Variants in MCTP1 observed in about 807,000 individuals in gnomAD.
The protein encoded by MCTP1 is multiple C2 and transmembrane domain-containing protein 1.
A neutral mutation model predicts 120.6 loss-of-function variants in MCTP1; 69 were observed. The ratio of observed to expected loss-of-function variants is 0.57; its 90% CI spans 0.47 to 0.70. The LOEUF is 0.70. MCTP1 is among the 30% of genes least tolerant of loss of function. The pLI, the probability that MCTP1 is intolerant of heterozygous loss-of-function variation, is 0.00. For missense variants in MCTP1, 1,203 were observed against 1,248.8 expected (o/e 0.96, Z 0.55); for synonymous variants, 529 against 493.1 (o/e 1.07, Z -0.96).
At chr5:95,009,389 T>C (rs1405600361) in intron 2 of MCTP1, among the ~76,000 whole-genome samples, 1 of 152,090 alleles carries the variant, frequency 6.6e-6, no homozygotes, top group African/African-American at 2.4e-5. Flanking sequence ...AATATAGATG[T>C]CTCTGCCAAA....
intron 1 of MCTP1, among the ~76,000 whole-genome samples, chr5:95,254,836 T>C (rs1757719089): frequency 6.6e-6 from 1 of 152,206 alleles, no homozygotes. Flanking sequence ...AATTAGATTC[T>C]GGAAGCATTG....
At chr5:94,748,054 C>T (rs1317614606) in intron 19 of MCTP1, among the ~76,000 whole-genome samples, 1 of 152,208 alleles carries the variant, frequency 6.6e-6, no homozygotes, top group Non-Finnish European at 1.5e-5. Flanking sequence ...TGTGCCATTG[C>T]ACTCCAGACT....
intron 2 of MCTP1, among the ~76,000 whole-genome samples, chr5:95,015,897 A>G (rs553591587): frequency 3.3e-5 from 5 of 152,228 alleles, no homozygotes; most frequent in African/African-American, 1.2e-4. Context: ...TAAAATTTTG[A>G]TCTTCTGTTG....
chr5:94,710,944 C>G lies in MCTP1; in HGVS notation c.2721-17G>C, dbSNP rs1379187960. 3 of 1,528,530 alleles carry G rather than the reference C, an allele frequency of 2.0e-6. No individual in the cohort carries two copies. The highest frequency in any genetic ancestry group is 1.8e-6 in the Non-Finnish European group (2 of 1,103,942). 94.7% of individuals were successfully genotyped at this position (1,528,530 alleles called of 1,614,324 possible). A position where few individuals can be genotyped will look rare whatever the true frequency, so the allele number is the denominator to read the frequency against. ...TTGAAAGTACTGAATGGAAAATTAA[C>G]ACATCAGCAATCTGAGTACTTCATA... On this transcript the variant is annotated splice_polypyrimidine_tract_variant and intron_variant, in intron 20 of 22. Coordinates refer to ENST00000515393, the MANE Select transcript of MCTP1 (RefSeq NM_024717.7).
intron 2 of MCTP1, among the ~76,000 whole-genome samples, chr5:94,986,622 G>C (rs930504125): frequency 6.6e-6 from 1 of 152,072 alleles, no homozygotes; most frequent in Non-Finnish European, 1.5e-5. Context: ...TGATTCTACT[G>C]CCTCAGCCAC....
At chr5:95,062,428 T>A (rs1332012719) in intron 1 of MCTP1, among the ~76,000 whole-genome samples, 1 of 152,184 alleles carries the variant, frequency 6.6e-6, no homozygotes, top group Non-Finnish European at 1.5e-5. Context: ...TTTTTTTTGG[T>A]TCAAGCAGCA....
chr5:95,213,632 A>T (rs1752671354), intron 1 of MCTP1, among the ~76,000 whole-genome samples: 1 of 151,850 alleles, frequency 6.6e-6, no homozygotes, highest in Non-Finnish European at 1.5e-5. Flanking sequence ...GGCTACAGTA[A>T]CCAAAACAGC....
intron 1 of MCTP1, among the ~76,000 whole-genome samples, chr5:95,262,344 A>G (rs1229776384): frequency 6.6e-6 from 1 of 152,186 alleles, no homozygotes; most frequent in Non-Finnish European, 1.5e-5. Flanking sequence ...AGCACCTTCT[A>G]CCCATGGCTC....
rs1229137926 is a variant in MCTP1, at chr5:94,707,057, A to G, written c.*439T>C. 2 of 152,646 alleles carry G rather than the reference A, an allele frequency of 1.3e-5. No individual in the cohort carries two copies. The highest frequency in any genetic ancestry group is 2.9e-5 in the Non-Finnish European group (2 of 68,486). The allele number at this position is 152,646 out of a possible 1,614,324, so 9.5% of individuals were successfully genotyped here. ...AATTTCCCTCCCTTTTGAAATGTAT[A>G]AAACATAGAAAAGTGTAATGGATTA... On this transcript the variant is annotated 3_prime_UTR_variant, in exon 23 of 23. Coordinates refer to ENST00000515393, the MANE Select transcript of MCTP1 (RefSeq NM_024717.7).
intron 19 of MCTP1, among the ~76,000 whole-genome samples, chr5:94,769,375 T>G (rs949241097): frequency 6.6e-6 from 1 of 152,172 alleles, no homozygotes; most frequent in Non-Finnish European, 1.5e-5. Flanking sequence ...TTTGAAATAT[T>G]CAACACTCAA....
At chr5:95,121,522 T>C (rs1296626847) in intron 1 of MCTP1, among the ~76,000 whole-genome samples, 4 of 151,714 alleles carry the variant, frequency 2.6e-5, no homozygotes, top group African/African-American at 4.8e-5. Flanking sequence ...GAGAAAGATA[T>C]CCCATGTTCA....
At chr5:95,171,517 G>T (rs1747287271) in intron 1 of MCTP1, among the ~76,000 whole-genome samples, 1 of 152,174 alleles carries the variant, frequency 6.6e-6, no homozygotes, top group Non-Finnish European at 1.5e-5. Context: ...TTCCAACTTG[G>T]TTCCATTCTC....
At chr5:94,932,366 C>T (rs1814975709) in intron 5 of MCTP1, among the ~76,000 whole-genome samples, 1 of 151,764 alleles carries the variant, frequency 6.6e-6, no homozygotes, top group African/African-American at 2.4e-5. Flanking sequence ...TAATTTTTCT[C>T]TTCAAACACA....
chr5:95,281,811 G>C (rs1262588045), intron 1 of MCTP1, among the ~76,000 whole-genome samples: 1 of 152,166 alleles, frequency 6.6e-6, no homozygotes, highest in Non-Finnish European at 1.5e-5. Flanking sequence ...TCATAGAATT[G>C]ATTGTATATA....
intron 1 of MCTP1, among the ~76,000 whole-genome samples, chr5:95,140,693 T>TAAAAAAAAA (rs35248317): frequency 1.8e-4 from 5 of 27,632 alleles, no homozygotes; most frequent in African/African-American, 3.1e-4. Context: ...CTGTCCCTAC[T>TAAAAAAAAA]AAAAAAAAAA....
chr5:94,936,131 AT>A (rs1206277898), intron 5 of MCTP1, among the ~76,000 whole-genome samples: 1 of 152,026 alleles, frequency 6.6e-6, no homozygotes, highest in African/African-American at 2.4e-5. Context: ...CAAGCAGATT[AT>A]CATTAATATA....
chr5:95,018,159 TTAA>T (rs1348546707), intron 1 of MCTP1, among the ~76,000 whole-genome samples: 2 of 152,120 alleles, frequency 1.3e-5, no homozygotes, highest in African/African-American at 2.4e-5. Flanking sequence ...CAATATACTC[TTAA>T]TAATTTACTA....
intron 17 of MCTP1, among the ~76,000 whole-genome samples, chr5:94,834,008 A>G (rs185266001): frequency 6.6e-6 from 1 of 152,318 alleles, no homozygotes; most frequent in Admixed American, 6.5e-5. Context: ...ATGCTCATGT[A>G]CCAGCTGGAT....
In MCTP1 at chr5:94,732,067, G is replaced by A. The variant is rs1240645473; in HGVS notation, c.2611-17181C>T. On this transcript the variant is annotated intron_variant, in intron 19 of 22. Coordinates refer to ENST00000515393, the MANE Select transcript of MCTP1 (RefSeq NM_024717.7). ...TGTCCTGTGAGTTTCATCACTTAGG[G>A]GAAAAGTTAGTTTTTAGCAATTACA... Among the ~76,000 whole-genome samples, 4 of 152,148 alleles carry A rather than the reference G, an allele frequency of 2.6e-5. No homozygotes were observed. In the East Asian group the frequency reaches 7.7e-4, roughly 29 times the overall value.
Sources: allele counts gnomAD v4.1 joint callset (sites outside exome capture counted in the v4.1 genomes callset), GRCh38; gene constraint gnomAD v4.1.1; transcripts MANE v1.5; gene names NCBI Gene and HGNC (gene_info 2026-07-23, HGNC 2026-07-21).